The following WDR97 variants were observed in gnomAD, a reference collection of about 807,000 sequenced individuals.
WDR97 encodes the protein WD repeat domain 97, also known as WD repeat-containing protein 97.
Under a neutral mutation model 65.4 loss-of-function variants are expected in WDR97, and 111 were observed. The ratio of observed to expected loss-of-function variants is 1.70; its 90% CI spans 1.45 to 1.99. WDR97 has a LOEUF of 1.99. Ranked by LOEUF, WDR97 falls within the 30% of genes most tolerant of loss-of-function variation. WDR97 has a pLI of 0.00. For synonymous variants in WDR97, 802 were observed against 397.7 expected (o/e 2.02, Z -12.10); for missense variants, 1,674 against 865.0 (o/e 1.94, Z -11.73).
Position 144,109,870 on chromosome 8 carries a change from C to T in WDR97, c.1536C>T (p.His512=), listed in dbSNP as rs1345021167. The part of the protein sequence containing the change: ...NAARCPMSVL[H]RVCPPPPPAP... ...CGCGCTGCCCCATGAGCGTGCTGCA[C>T]CGCGTGTGCCCGCCGCCGCCCCCTG... Residue 512 remains histidine, a synonymous_variant, in exon 5 of 24, where the codon CAC becomes CAT. Transcript: ENST00000323662. 3 of 700,550 alleles carry T rather than the reference C, an allele frequency of 4.3e-6. No homozygotes were observed. The highest frequency in any genetic ancestry group is 2.7e-5 in the East Asian group (1 of 37,196). The allele number at this position is 700,550 out of a possible 1,614,324, so 43.4% of individuals were successfully genotyped here.
rs1228835207 is a variant in WDR97 at position 144,115,726 on chromosome 8, A to G, written c.4463A>G (p.Asn1488Ser). Residue 1488 changes from asparagine to serine, a missense_variant, in exon 22 of 24, where the codon AAC (asparagine) becomes AGC (serine). Coordinates refer to ENST00000323662, the MANE Select transcript of WDR97 (RefSeq NM_001316309.2). ...LLDLGPIDAL[N>S]FFCEQLRAQQ... ...GACTTGGGCCCCATCGACGCGCTCA[A>G]CTTCTTCTGTGAGCAGCTGCGGGCG... The G allele has an allele frequency of 2.9e-6, 2 of 701,558 alleles. No homozygotes were observed. Among genetic ancestry groups the G allele is most frequent in the South Asian group, 1.5e-5 (1 of 67,516 alleles). 43.5% of individuals were successfully genotyped at this position (701,558 alleles called of 1,614,324 possible). A position where few individuals can be genotyped will look rare whatever the true frequency, so the allele number is the denominator to read the frequency against.
At position 144,115,579 on chromosome 8, in the gene WDR97, C is replaced by T. The variant is rs904573447; in HGVS notation, c.4316C>T (p.Ser1439Phe). The change falls in exon 22 of 24, where the codon TCC becomes TTC. Residue 1439 changes from serine (S) to phenylalanine (F), a missense_variant. Ser to Phe is a radical substitution (Grantham distance 155). Transcript: ENST00000323662. ...CCTCAGCTCCGTCTCAGAGTGCTCT[C>T]CGAGACGCTGAAGAGCTTCTGCCTG... The part of the protein sequence containing the change: ...GTPQLRLRVL[S>F]ETLKSFCLEP... The T allele has an allele frequency of 1.4e-6, 1 of 693,048 alleles. No homozygotes were observed. The highest frequency in any genetic ancestry group is 2.6e-6 in the Non-Finnish European group (1 of 379,060). 42.9% of individuals were successfully genotyped at this position (693,048 alleles called of 1,614,324 possible).
rs1836550348 is a variant in WDR97, at chr8:144,111,617, T to C, written c.2488-15T>C. 2 of 681,940 alleles carry C rather than the reference T, an allele frequency of 2.9e-6. No individual in the cohort carries two copies. The highest frequency in any genetic ancestry group is 1.5e-5 in the South Asian group (1 of 64,772). 42.2% of individuals were successfully genotyped at this position (681,940 alleles called of 1,614,324 possible). ...GCTCAAGGAAGAGCAGGCTGATCCCTGAACCCTGACTCAGGACTTGGACGC... is the reference window on the plus strand; with the variant it reads ...GCTCAAGGAAGAGCAGGCTGATCCCCGAACCCTGACTCAGGACTTGGACGC... On this transcript the variant is annotated splice_polypyrimidine_tract_variant and intron_variant, in intron 11 of 23. Coordinates refer to ENST00000323662, the MANE Select transcript of WDR97 (RefSeq NM_001316309.2).
Position 144,116,689 on chromosome 8 carries a change from C to A in WDR97, c.*396C>A. The A allele has an allele frequency of 5.7e-6, 1 of 173,926 alleles. No homozygotes were observed. The highest frequency in any genetic ancestry group is 1.2e-5 in the Non-Finnish European group (1 of 83,060). The allele number at this position is 173,926 out of a possible 1,614,324, so 10.8% of individuals were successfully genotyped here. A position where few individuals can be genotyped will look rare whatever the true frequency, so the allele number is the denominator to read the frequency against. On this transcript the variant is annotated 3_prime_UTR_variant, in exon 24 of 24. Coordinates refer to ENST00000323662, the MANE Select transcript of WDR97 (RefSeq NM_001316309.2). ...GGTGTGGAGGGGAGTCCGGGAGGGC[C>A]TGGGCGGTCCCAGGATGAGCCTTCC...
Position 144,115,963 on chromosome 8 carries a change from T to A in WDR97, c.4616T>A (p.Leu1539Gln). Reference protein sequence around the residue: ...REHWYHPILRLQEAKPQRSAR... With the variant: ...REHWYHPILRQQEAKPQRSAR... Reference sequence around the variant, plus strand: ...TCCAGGTACCACCCCATCCTCCGGCTGCAGGAGGCCAAGCCGCAGAGGTCC... The same window carrying A: ...TCCAGGTACCACCCCATCCTCCGGCAGCAGGAGGCCAAGCCGCAGAGGTCC... Residue 1539 changes from leucine (L) to glutamine (Q), a missense_variant, in exon 23 of 24, where the codon CTG becomes CAG. Leu to Gln is a moderately radical substitution (Grantham distance 113). Coordinates refer to ENST00000323662, the MANE Select transcript of WDR97 (RefSeq NM_001316309.2). 2.9e-6 allele frequency: 2 copies of A among 701,064 alleles called. No homozygotes were observed. The highest frequency in any genetic ancestry group is 2.7e-5 in the East Asian group (1 of 37,242). 43.4% of individuals were successfully genotyped at this position (701,064 alleles called of 1,614,324 possible). A position where few individuals can be genotyped will look rare whatever the true frequency, so the allele number is the denominator to read the frequency against.
Position 144,107,880 on chromosome 8 carries a change from C to G in WDR97, c.112+18C>G, listed in dbSNP as rs114940831. 1 of 702,822 alleles carries G rather than the reference C, an allele frequency of 1.4e-6. No individual in the cohort carries two copies. The highest frequency in any genetic ancestry group is 2.6e-6 in the Non-Finnish European group (1 of 384,984). The allele number at this position is 702,822 out of a possible 1,614,324, so 43.5% of individuals were successfully genotyped here. A position where few individuals can be genotyped will look rare whatever the true frequency, so the allele number is the denominator to read the frequency against. The stretch of plus-strand genomic sequence containing the variant: ...AAAGAATGGTGAGGGGGCCTGGCCT[C>G]GCCCTCCGGGCATCCCGCTAGGAAG... On this transcript the variant is annotated intron_variant, in intron 1 of 23. Transcript: ENST00000323662.
chr8:144,115,842 C>T lies in WDR97; in HGVS notation c.4579C>T (p.Pro1527Ser). 2.9e-6 allele frequency: 2 copies of T among 689,058 alleles called. No homozygotes were observed. The highest frequency in any genetic ancestry group is 5.3e-6 in the Non-Finnish European group (2 of 376,352). The allele number at this position is 689,058 out of a possible 1,614,324, so 42.7% of individuals were successfully genotyped here. The change falls in exon 22 of 24, where the codon CCT becomes TCT. Residue 1527 changes from proline (P) to serine (S), a missense_variant. Physicochemically the swap from Pro to Ser is moderately conservative, Grantham distance 74. Transcript: ENST00000323662. ...VAPVPDMVVP[P>S]PREHWYHPIL... ...GCCGGTGCCCGACATGGTGGTGCCACCTCCGCGGGAGCACTGGTGCGCGGG... is the reference window on the plus strand; with the variant it reads ...GCCGGTGCCCGACATGGTGGTGCCATCTCCGCGGGAGCACTGGTGCGCGGG...
rs1836630460 is a variant in WDR97, at chr8:144,115,415, G to A, written c.4152G>A (p.Trp1384Ter). ...RASVIPSGTS[W>*]SASGIFGRLS... Reference sequence around the variant, plus strand: ...CCGTGATACCCTCGGGCACCTCCTGGTCGGCCTCCGGCATCTTCGGGAGGC... The same window carrying A: ...CCGTGATACCCTCGGGCACCTCCTGATCGGCCTCCGGCATCTTCGGGAGGC... The change falls in exon 22 of 24, where the codon TGG (tryptophan) becomes TGA (stop). Residue 1384 changes from tryptophan to a stop codon, truncating the protein, a stop_gained. Transcript: ENST00000323662. LOFTEE classifies it high-confidence loss of function. The A allele has an allele frequency of 1.5e-6, 1 of 669,440 alleles. No individual in the cohort carries two copies. Among genetic ancestry groups the A allele is most frequent in the East Asian group, 2.8e-5 (1 of 36,338 alleles). 41.5% of individuals were successfully genotyped at this position (669,440 alleles called of 1,614,324 possible).
rs915973376 is a variant in WDR97, at chr8:144,114,297, C to T, written c.3614C>T (p.Thr1205Met). 4.0e-5 allele frequency: 28 copies of T among 701,484 alleles called. No homozygotes were observed. Among genetic ancestry groups the T allele is most frequent in the African/African-American group, 1.6e-4 (9 of 57,220 alleles). 43.5% of individuals were successfully genotyped at this position (701,484 alleles called of 1,614,324 possible). ...CTGCAGGCATACCCGGAGGCGGGCA[C>T]GATCGAGGGCCTGGCCTCGCTGTTG... is the stretch of plus-strand genomic sequence containing the variant. ...FSLQAYPEAG[T>M]IEGLASLLVA... Residue 1205 changes from threonine to methionine, a missense_variant, in exon 19 of 24, where the codon ACG (threonine) becomes ATG (methionine). By Grantham distance (81) the Thr-to-Met change is moderately conservative. Transcript: ENST00000323662.
chr8:144,111,282 C>T (rs1356965558), intron 10 of WDR97, 60 bp downstream of exon 10: 1 of 702,706 alleles, frequency 1.4e-6, no homozygotes, highest in Admixed American at 2.0e-5. Context: ...TGGGTGGGGG[C>T]CTGGCGGTGT....
chr8:144,113,054 A>G, intron 15 of WDR97: 2 of 357,162 alleles, frequency 5.6e-6, no homozygotes, highest in Admixed American at 9.1e-5. Context: ...GGGTGCCACC[A>G]TCATGCTCTT....
chr8:144,109,473 AGCTGTCCCGGC>A lies in WDR97; in HGVS notation c.1142_1152del (p.Leu381ArgfsTer276). Reference sequence around the variant, plus strand: ...GCGCTGGGCTTCTGGGGCCAGGACAAGCTGTCCCGGCGCGTGGGCCGTCTGCTGGCGCCGGT... The same window carrying A: ...GCGCTGGGCTTCTGGGGCCAGGACAAGCGTGGGCCGTCTGCTGGCGCCGGT... On this transcript the variant is annotated frameshift_variant, in exon 5 of 24. Transcript: ENST00000323662. LOFTEE classifies it high-confidence loss of function. 7.1e-6 allele frequency: 5 copies of A among 699,494 alleles called. No individual in the cohort carries two copies. Among genetic ancestry groups the A allele is most frequent in the Non-Finnish European group, 1.3e-5 (5 of 383,382 alleles). The allele number at this position is 699,494 out of a possible 1,614,324, so 43.3% of individuals were successfully genotyped here.
rs564184779 is a variant in WDR97 at position 144,114,864 on chromosome 8, C to T, written c.4030C>T (p.Arg1344Cys). ...GPDLDSKAGLRTCCHQKLEDM... is the reference protein window; with the variant it reads ...GPDLDSKAGLCTCCHQKLEDM... The stretch of plus-strand genomic sequence containing the variant: ...AGACCTGGACTCCAAGGCCGGCCTG[C>T]GCACTTGCTGCCACCAGAAACTGGA... Residue 1344 changes from arginine (R) to cysteine (C), a missense_variant, in exon 21 of 24, where the codon CGC (arginine) becomes TGC (cysteine). Transcript: ENST00000323662. 3.4e-4 allele frequency: 237 copies of T among 702,224 alleles called. 1 individual carries two copies. The highest frequency in any genetic ancestry group is 2.6e-3 in the South Asian group (179 of 67,550). The allele number at this position is 702,224 out of a possible 1,614,324, so 43.5% of individuals were successfully genotyped here.
In WDR97 at chr8:144,109,570, C is replaced by G. The variant is rs765136317; in HGVS notation, c.1236C>G (p.Arg412=). Residue 412 remains arginine, a synonymous_variant, in exon 5 of 24, where the codon CGC becomes CGG. Coordinates refer to ENST00000323662, the MANE Select transcript of WDR97 (RefSeq NM_001316309.2). ...GCAGCATGCAGCTGTGGCGCGTACG[C>G]GAGCTCTACTCGCCGTTGGCGCAAC... ...CASSMQLWRV[R]ELYSPLAQLP... is the part of the protein sequence containing the mutation. The G allele has an allele frequency of 4.7e-5, 33 of 694,822 alleles. No individual in the cohort carries two copies. In the African/African-American group the frequency reaches 4.8e-4, roughly 10 times the overall value. The allele number at this position is 694,822 out of a possible 1,614,324, so 43.0% of individuals were successfully genotyped here.
In WDR97 at chr8:144,109,408, C is replaced by A; in HGVS notation, c.1074C>A (p.Arg358=). The A allele has an allele frequency of 1.4e-6, 1 of 702,500 alleles. No individual in the cohort carries two copies. Among genetic ancestry groups the A allele is most frequent in the East Asian group, 2.7e-5 (1 of 37,276 alleles). The allele number at this position is 702,500 out of a possible 1,614,324, so 43.5% of individuals were successfully genotyped here. A position where few individuals can be genotyped will look rare whatever the true frequency, so the allele number is the denominator to read the frequency against. Residue 358 remains arginine (R), a synonymous_variant, in exon 5 of 24, where the codon CGC becomes CGA. Transcript: ENST00000323662. ...VLSASQDGTL[R]TWDLQAAAQV... is the part of the protein sequence containing the mutation. ...CGGCCTCGCAGGACGGGACGCTACG[C>A]ACCTGGGACCTGCAGGCGGCGGCGC... is the stretch of plus-strand genomic sequence containing the variant.
rs1382507328 is a variant in WDR97, at chr8:144,107,835, G to C, written c.85G>C (p.Asp29His). 4.3e-6 allele frequency: 3 copies of C among 702,836 alleles called. No individual in the cohort carries two copies. Among genetic ancestry groups the C allele is most frequent in the Non-Finnish European group, 7.8e-6 (3 of 384,990 alleles). 43.5% of individuals were successfully genotyped at this position (702,836 alleles called of 1,614,324 possible). The part of the protein sequence containing the change: ...LYDADGYDVP[D>H]PGLLTEKNEL... ...TGATGCGGATGGCTATGATGTCCCAGACCCTGGGCTGCTCACCGAAAAGAA... is the reference window on the plus strand; with the variant it reads ...TGATGCGGATGGCTATGATGTCCCACACCCTGGGCTGCTCACCGAAAAGAA... Residue 29 changes from aspartate to histidine, a missense_variant, in exon 1 of 24, where the codon GAC (aspartate) becomes CAC (histidine). Physicochemically the swap from Asp to His is moderately conservative, Grantham distance 81. Coordinates refer to ENST00000323662, the MANE Select transcript of WDR97 (RefSeq NM_001316309.2).
chr8:144,113,678 C>G lies in WDR97; in HGVS notation c.3205C>G (p.Leu1069Val), dbSNP rs913532243. The G allele has an allele frequency of 4.5e-6, 3 of 666,422 alleles. No individual in the cohort carries two copies. The highest frequency in any genetic ancestry group is 8.2e-6 in the Non-Finnish European group (3 of 363,748). The allele number at this position is 666,422 out of a possible 1,614,324, so 41.3% of individuals were successfully genotyped here. ...NAEPGASQDA[L>V]WLWRPRPSQT... ...GCAGCCAGGGGCAAGCCAGGATGCC[C>G]TGTGGTTGTGGCGCCCCAGGCCATC... Residue 1069 changes from leucine (L) to valine (V), a missense_variant, in exon 17 of 24, where the codon CTG becomes GTG. Transcript: ENST00000323662.
Position 144,110,330 on chromosome 8 carries a change from G to A in WDR97, c.1844-11G>A, listed in dbSNP as rs759095614. 1.4e-6 allele frequency: 1 copy of A among 702,758 alleles called. No individual in the cohort carries two copies. The highest frequency in any genetic ancestry group is 1.5e-5 in the South Asian group (1 of 67,592). 43.5% of individuals were successfully genotyped at this position (702,758 alleles called of 1,614,324 possible). ...CTCCGACAAGGCCCAGCCAGATTCC[G>A]CTGCCCACAGGTGGGGACCTGACGG... On this transcript the variant is annotated splice_polypyrimidine_tract_variant and intron_variant, in intron 6 of 23. Coordinates refer to ENST00000323662, the MANE Select transcript of WDR97 (RefSeq NM_001316309.2).
rs372718448 is a variant in WDR97 at position 144,115,386 on chromosome 8, G to C, written c.4123G>C (p.Ala1375Pro). 2.1e-4 allele frequency: 131 copies of C among 624,716 alleles called. No individual in the cohort carries two copies. Among genetic ancestry groups the C allele is most frequent in the East Asian group, 1.7e-3 (60 of 36,194 alleles). 38.7% of individuals were successfully genotyped at this position (624,716 alleles called of 1,614,324 possible). A position where few individuals can be genotyped will look rare whatever the true frequency, so the allele number is the denominator to read the frequency against. ...AGTGGTCTCTGGGGCACCCACACGC[G>C]CCTCCGTGATACCCTCGGGCACCTC... ...TSVVSGAPTR[A>P]SVIPSGTSWS... Residue 1375 changes from alanine (A) to proline (P), a missense_variant, in exon 22 of 24, where the codon GCC (alanine) becomes CCC (proline). Physicochemically the swap from Ala to Pro is conservative, Grantham distance 27. Coordinates refer to ENST00000323662, the MANE Select transcript of WDR97 (RefSeq NM_001316309.2).
Sources: gnomAD v4.1 joint callset for allele counts on GRCh38, gnomAD v4.1.1 for gene constraint, MANE v1.5 for transcripts, NCBI Gene and HGNC (gene_info 2026-07-23, HGNC 2026-07-21) for gene names.